The following GPBP1 variants were observed in gnomAD, a reference collection of about 807,000 sequenced individuals.
GPBP1 encodes the protein vasculin.
GPBP1 carries 13 observed loss-of-function variants against 56.5 expected under a neutral mutation model. The observed-to-expected ratio is 0.23, with a 90% CI of 0.15 to 0.37. The LOEUF is 0.37. Ranked by LOEUF, GPBP1 falls within the 10% of genes least tolerant of loss-of-function variation. The probability of loss-of-function intolerance (pLI) is 1.00; values close to 1 mark genes in which losing one functional copy is unlikely to be tolerated. For synonymous variants in GPBP1, 204 were observed against 188.9 expected (o/e 1.08, Z -0.66); for missense variants, 477 against 572.3 (o/e 0.83, Z 1.70).
At chr5:57,234,764 A>G (rs1401808590) in intron 5 of GPBP1, among the ~76,000 whole-genome samples, 1 of 152,206 alleles carries the variant, frequency 6.6e-6, no homozygotes, top group African/African-American at 2.4e-5. Flanking sequence ...AAAGCTAAAA[A>G]GAGAATTCTC....
intron 10 of GPBP1, among the ~76,000 whole-genome samples, chr5:57,255,193 CTT>C (rs1741601102): frequency 8.3e-6 from 1 of 120,680 alleles, no homozygotes; most frequent in Non-Finnish European, 1.9e-5. Flanking sequence ...TCCTCTCTCT[CTT>C]CTCTCCCCTT....
At chr5:57,239,391 CG>C (rs1740709936) in intron 6 of GPBP1, among the ~76,000 whole-genome samples, 1 of 152,126 alleles carries the variant, frequency 6.6e-6, no homozygotes, top group Non-Finnish European at 1.5e-5. Flanking sequence ...AGTACCATAT[CG>C]ATTGGTGTTG....
At chr5:57,210,695 T>C (rs1313716417) in intron 2 of GPBP1, among the ~76,000 whole-genome samples, 1 of 152,234 alleles carries the variant, frequency 6.6e-6, no homozygotes, top group South Asian at 2.1e-4. Context: ...CTGGGTGGCT[T>C]AAACAACAGA....
chr5:57,251,265 T>C (rs1010249969), intron 10 of GPBP1, 124 bp downstream of exon 10: 2 of 794,266 alleles, frequency 2.5e-6, no homozygotes. Flanking sequence ...TCACCCATTA[T>C]GATATACAGA....
intron 10 of GPBP1, 87 bp downstream of exon 10, chr5:57,251,228 A>T: frequency 8.5e-7 from 1 of 1,175,478 alleles, no homozygotes; most frequent in South Asian, 1.5e-5. Flanking sequence ...TAACAGGTTT[A>T]TTGGAATACA....
chr5:57,214,209 C>T lies in GPBP1; in HGVS notation c.63+16C>T. On this transcript the variant is annotated intron_variant, in intron 3 of 11. Coordinates refer to ENST00000506184, the MANE Select transcript of GPBP1 (RefSeq NM_022913.4). ...ATCAACAAAGGTACTCTTTCTGCAT[C>T]TTTCTTTCTGTCTGCTTCTCTTGCA... 14 of 1,587,064 alleles carry T rather than the reference C, an allele frequency of 8.8e-6. No individual in the cohort carries two copies. The highest frequency in any genetic ancestry group is 1.2e-5 in the Non-Finnish European group (14 of 1,155,504).
chr5:57,220,859 TTCTG>T (rs1319613287), intron 3 of GPBP1, among the ~76,000 whole-genome samples: 12 of 152,324 alleles, frequency 7.9e-5, no homozygotes, highest in African/African-American at 2.9e-4. Flanking sequence ...ATTGTACCTT[TTCTG>T]TCTTATTCTT....
rs1406932091 is a variant in GPBP1 at position 57,247,005 on chromosome 5, A to G, written c.664-70A>G. 6 of 1,408,766 alleles carry G rather than the reference A, an allele frequency of 4.3e-6. No homozygotes were observed. In the East Asian group the frequency reaches 9.3e-5, roughly 22 times the overall value. 87.3% of individuals were successfully genotyped at this position (1,408,766 alleles called of 1,614,324 possible). A position where few individuals can be genotyped will look rare whatever the true frequency, so the allele number is the denominator to read the frequency against. On this transcript the variant is annotated intron_variant, in intron 7 of 11. Transcript: ENST00000506184. ...AGCGTAGTCATTTTTGTTTTATAAT[A>G]TTCACTGTTTTTGTCTTTCTCCTGT...
At chr5:57,184,244 A>T (rs895804509) in intron 2 of GPBP1, among the ~76,000 whole-genome samples, 12 of 152,208 alleles carry the variant, frequency 7.9e-5, no homozygotes, top group Middle Eastern at 3.4e-3. Flanking sequence ...AGGGAAAAAA[A>T]ATTAGGTTTA....
chr5:57,193,336 C>T (rs1030525242), intron 2 of GPBP1, among the ~76,000 whole-genome samples: 5 of 151,284 alleles, frequency 3.3e-5, no homozygotes, highest in Admixed American at 2.0e-4. Context: ...CTGCCTAGGC[C>T]GAGTGCCGTG....
At chr5:57,197,798 C>CT (rs1386465786) in intron 2 of GPBP1, among the ~76,000 whole-genome samples, 1 of 150,900 alleles carries the variant, frequency 6.6e-6, no homozygotes, top group African/African-American at 2.4e-5. Flanking sequence ...TCTTTGTTTC[C>CT]TTTTTATTCA....
At chr5:57,233,427 G>A (rs1561360520) in intron 5 of GPBP1, among the ~76,000 whole-genome samples, 1 of 152,046 alleles carries the variant, frequency 6.6e-6, no homozygotes, top group Non-Finnish European at 1.5e-5. Flanking sequence ...TAACACAGAG[G>A]TTAGTGGTAC....
chr5:57,178,004 C>T (rs1389852570), intron 2 of GPBP1, among the ~76,000 whole-genome samples: 2 of 151,850 alleles, frequency 1.3e-5, no homozygotes, highest in African/African-American at 4.8e-5. Flanking sequence ...TTATAATAGA[C>T]TAGGTTATAT....
chr5:57,201,633 G>A (rs928650117), intron 2 of GPBP1, among the ~76,000 whole-genome samples: 2 of 152,126 alleles, frequency 1.3e-5, no homozygotes, highest in Non-Finnish European at 2.9e-5. Context: ...CACCTAAGGT[G>A]GCCTCTTGCT....
chr5:57,186,883 T>C (rs2111609261), intron 2 of GPBP1, among the ~76,000 whole-genome samples: 1 of 152,270 alleles, frequency 6.6e-6, no homozygotes, highest in South Asian at 2.1e-4. Context: ...ATTTTTTTTT[T>C]TCCATGTAAA....
chr5:57,226,656 T>G (rs186511582), intron 3 of GPBP1, among the ~76,000 whole-genome samples: 1 of 146,752 alleles, frequency 6.8e-6, no homozygotes, highest in East Asian at 2.0e-4. Context: ...GCCTGCTGGG[T>G]TCAGGCAGTT....
rs543005934 is a variant in GPBP1, at chr5:57,229,230, C to CAAAAAAAAAAAAAAAAAAAAAAA, written c.64-1601_64-1579dup. On this transcript the variant is annotated intron_variant, in intron 3 of 11. Transcript: ENST00000506184. Reference sequence around the variant, plus strand: ...TGGGCGACAGAACAAGACTCCATCTCAAAAAAAAAAAAAAAAAAAAAAAAA... The same window carrying CAAAAAAAAAAAAAAAAAAAAAAA: ...TGGGCGACAGAACAAGACTCCATCTCAAAAAAAAAAAAAAAAAAAAAAAAAAAAAAAAAAAAAAAAAAAAAAAA... 7.7e-5 allele frequency among the ~76,000 whole-genome samples: 6 copies of CAAAAAAAAAAAAAAAAAAAAAAA among 77,424 alleles called. 1 individual carries two copies. Among genetic ancestry groups the CAAAAAAAAAAAAAAAAAAAAAAA allele is most frequent in the African/African-American group, 1.0e-4 (2 of 19,842 alleles). 50.8% of individuals were successfully genotyped at this position (77,424 alleles called of 152,430 possible). A position where few individuals can be genotyped will look rare whatever the true frequency, so the allele number is the denominator to read the frequency against.
At chr5:57,231,860 T>C (rs1035200139) in intron 5 of GPBP1, among the ~76,000 whole-genome samples, 15 of 152,176 alleles carry the variant, frequency 9.9e-5, no homozygotes, top group African/African-American at 3.6e-4. Context: ...GCAAGTAATA[T>C]TTTGTAGTGA....
rs372492870 is a variant in GPBP1 at position 57,212,738 on chromosome 5, C to T, written c.-57-1336C>T. Among the ~76,000 whole-genome samples, 61 of 135,376 alleles carry T rather than the reference C, an allele frequency of 4.5e-4. 2 individuals are homozygous for T. In the South Asian group the frequency reaches 0.014, roughly 31 times the overall value. 88.8% of individuals were successfully genotyped at this position (135,376 alleles called of 152,430 possible). A position where few individuals can be genotyped will look rare whatever the true frequency, so the allele number is the denominator to read the frequency against. On this transcript the variant is annotated intron_variant, in intron 2 of 11. Coordinates refer to ENST00000506184, the MANE Select transcript of GPBP1 (RefSeq NM_022913.4). ...AGGCTGGAGTGCAGTGGCTCTATTT[C>T]GGCTCACTGCAATCTCCATCTCCTG... is the stretch of plus-strand genomic sequence containing the variant.
Sources: allele counts gnomAD v4.1 joint callset (sites outside exome capture counted in the v4.1 genomes callset), GRCh38; gene constraint gnomAD v4.1.1; transcripts MANE v1.5; gene names NCBI Gene and HGNC (gene_info 2026-07-23, HGNC 2026-07-21).